NPTN: variants seen among roughly 807,000 people sequenced by gnomAD.
NPTN encodes SDR-1.
In NPTN, 5 loss-of-function variants were observed where a neutral mutation model predicts 42.7. The observed-to-expected ratio is 0.12, with a 90% CI of 0.06 to 0.25. The LOEUF is 0.25. Among genes scored for constraint, NPTN ranks in the 10% least tolerant of loss-of-function variants. NPTN has a pLI of 1.00. For synonymous variants in NPTN, 180 were observed against 201.9 expected, an observed-to-expected ratio of 0.89 and a Z score of 0.92; for missense variants, 307 against 525.4, an observed-to-expected ratio of 0.58 and a Z score of 4.06.
chr15:73,581,394 G>A (rs969394951), intron 4 of NPTN, among the ~76,000 whole-genome samples: 4 of 152,308 alleles, frequency 2.6e-5, no homozygotes, highest in Middle Eastern at 3.4e-3. Context: ...AGTGGCAAGA[G>A]CAAGGGGTAG....
At chr15:73,626,943 G>A (rs1898447949) in intron 1 of NPTN, among the ~76,000 whole-genome samples, 1 of 152,012 alleles carries the variant, frequency 6.6e-6, no homozygotes, top group Non-Finnish European at 1.5e-5. Flanking sequence ...TATCCAAATT[G>A]GCATATTTCA....
At chr15:73,594,049 AC>A (rs1388136410) in intron 2 of NPTN, among the ~76,000 whole-genome samples, 1 of 152,208 alleles carries the variant, frequency 6.6e-6, no homozygotes, top group African/African-American at 2.4e-5. Flanking sequence ...CCAAGCAAAA[AC>A]AAAAGAGAAA....
At chr15:73,595,596 A>C (rs1319400018) in intron 2 of NPTN, among the ~76,000 whole-genome samples, 1 of 152,194 alleles carries the variant, frequency 6.6e-6, no homozygotes, top group South Asian at 2.1e-4. Flanking sequence ...TTATTACCAA[A>C]TTCCTCATCA....
Position 73,570,407 on chromosome 15 carries a change from G to T in NPTN, c.857C>A (p.Ser286Tyr). 6.2e-7 allele frequency: 1 copy of T among 1,612,788 alleles called. No individual in the cohort carries two copies. Among genetic ancestry groups the T allele is most frequent in the Non-Finnish European group, 8.5e-7 (1 of 1,179,770 alleles). The change falls in exon 6 of 9, where the codon TCT (serine) becomes TAT (tyrosine). Residue 286 changes from serine (S) to tyrosine (Y), a missense_variant. Physicochemically the swap from Ser to Tyr is moderately radical, Grantham distance 144. Coordinates refer to ENST00000345330, the MANE Select transcript of NPTN (RefSeq NM_012428.4). The surrounding 1 kb of genome is among the most constrained non-coding windows in gnomAD (Gnocchi z 4.0). ...CTTGTTGATGATGAAGAAGCGGCCAGAGGTATTGACAATGTCCTGCAAAAA... is the reference window on the plus strand; with the variant it reads ...CTTGTTGATGATGAAGAAGCGGCCATAGGTATTGACAATGTCCTGCAAAAA... ...NGMPMDIVNT[S>Y]GRFFIINKEN...
At chr15:73,629,455 T>C (rs908607896) in intron 1 of NPTN, among the ~76,000 whole-genome samples, 4 of 151,748 alleles carry the variant, frequency 2.6e-5, no homozygotes, top group Admixed American at 6.6e-5. Context: ...TGAGAGAAAA[T>C]TGCTAAACCA....
At chr15:73,568,200 G>GT in intron 6 of NPTN, 1 of 985,518 alleles carries the variant, frequency 1.0e-6, no homozygotes, top group East Asian at 1.1e-4. Flanking sequence ...CACATGCACT[G>GT]TGATAGCAAC....
intron 4 of NPTN, among the ~76,000 whole-genome samples, chr15:73,582,026 G>T (rs2141380356): frequency 6.6e-6 from 1 of 152,222 alleles, no homozygotes; most frequent in African/African-American, 2.4e-5. Context: ...AGTAGAGACG[G>T]GGTTTCACCA....
At chr15:73,619,313 C>T (rs977710980) in intron 1 of NPTN, among the ~76,000 whole-genome samples, 3 of 152,162 alleles carry the variant, frequency 2.0e-5, no homozygotes, top group Non-Finnish European at 4.4e-5. Flanking sequence ...AAGCTATGTA[C>T]GTCTCTACAA....
intron 1 of NPTN, among the ~76,000 whole-genome samples, chr15:73,607,445 C>A (rs1026149733): frequency 1.3e-5 from 2 of 152,136 alleles, no homozygotes; most frequent in African/African-American, 4.8e-5. Flanking sequence ...CATCATATAT[C>A]GCATGAATAT....
chr15:73,605,376 TAAAA>T (rs201221433), intron 1 of NPTN, among the ~76,000 whole-genome samples: 86 of 146,804 alleles, frequency 5.9e-4, no homozygotes, highest in Non-Finnish European at 1.2e-3. Flanking sequence ...AAATTCTGGT[TAAAA>T]AAAAAAAATC....
intron 6 of NPTN, among the ~76,000 whole-genome samples, chr15:73,563,910 C>A (rs1023401382): frequency 2.6e-5 from 4 of 152,190 alleles, no homozygotes; most frequent in African/African-American, 9.7e-5. Context: ...CCGAGGAAAG[C>A]TGAACAGTGG....
chr15:73,600,161 T>C (rs1428725562), intron 1 of NPTN, among the ~76,000 whole-genome samples: 1 of 152,240 alleles, frequency 6.6e-6, no homozygotes, highest in African/African-American at 2.4e-5. Context: ...CAAGACTTCC[T>C]GCTAAGAGTA....
intron 4 of NPTN, among the ~76,000 whole-genome samples, chr15:73,578,515 T>C (rs1162555864): frequency 6.6e-6 from 1 of 152,232 alleles, no homozygotes; most frequent in Non-Finnish European, 1.5e-5. Context: ...GGTTTTGGCC[T>C]GTGTAACTGT....
intron 1 of NPTN, among the ~76,000 whole-genome samples, chr15:73,624,472 C>T (rs1015008179): frequency 1.3e-5 from 2 of 152,110 alleles, no homozygotes; most frequent in Non-Finnish European, 2.9e-5. Flanking sequence ...CTGCTAAACT[C>T]GTATAATCAA....
intron 1 of NPTN, among the ~76,000 whole-genome samples, chr15:73,620,863 A>G (rs928217153): frequency 3.3e-5 from 5 of 152,194 alleles, no homozygotes; most frequent in Non-Finnish European, 5.9e-5. Flanking sequence ...GGTTTTTCTA[A>G]TATAAACAAT....
At chr15:73,568,556 C>CT (rs1168925669) in intron 6 of NPTN, 2 of 985,302 alleles carry the variant, frequency 2.0e-6, no homozygotes, top group Non-Finnish European at 1.2e-6. Context: ...GCACTCTTGC[C>CT]TTGGGAGTCC....
chr15:73,577,398 C>T (rs963292350), intron 4 of NPTN, among the ~76,000 whole-genome samples: 13 of 152,158 alleles, frequency 8.5e-5, no homozygotes, highest in African/African-American at 2.2e-4. Flanking sequence ...AGACTGAAAC[C>T]GTCTTTGCAA....
At chr15:73,616,357 A>G (rs1406007507) in intron 1 of NPTN, among the ~76,000 whole-genome samples, 1 of 152,106 alleles carries the variant, frequency 6.6e-6, no homozygotes, top group African/African-American at 2.4e-5. Context: ...TACCCCTCAA[A>G]CAGCTCTACT....
At chr15:73,612,542 C>T (rs1284068603) in intron 1 of NPTN, among the ~76,000 whole-genome samples, 2 of 151,700 alleles carry the variant, frequency 1.3e-5, no homozygotes, top group Admixed American at 6.6e-5. Context: ...CCGAGGTGGG[C>T]GGATCACGAG....
Sources: gnomAD v4.1 joint callset for allele counts (sites outside exome capture counted in the v4.1 genomes callset) on GRCh38, gnomAD v4.1.1 for gene constraint, Gnocchi (gnomAD v3.1) non-coding constraint, MANE v1.5 for transcripts, NCBI Gene and HGNC (gene_info 2026-07-23, HGNC 2026-07-21) for gene names.